PEAK1: variants seen among roughly 807,000 people sequenced by gnomAD.
The protein encoded by PEAK1 is inactive tyrosine-protein kinase PEAK1.
A neutral mutation model predicts 124.7 loss-of-function variants in PEAK1; 54 were observed. The ratio of observed to expected loss-of-function variants is 0.43; its 90% CI spans 0.35 to 0.54. The LOEUF is 0.54. Among genes scored for constraint, PEAK1 ranks in the 20% least tolerant of loss-of-function variants. The probability of loss-of-function intolerance (pLI) is 0.01; values close to 1 mark genes in which losing one functional copy is unlikely to be tolerated. For missense variants in PEAK1, 2,046 were observed against 2,134.5 expected, an observed-to-expected ratio of 0.96 and a Z score of 0.82; for synonymous variants, 719 against 760.0, an observed-to-expected ratio of 0.95 and a Z score of 0.89.
chr15:77,344,176 G>A (rs954683918), intron 2 of PEAK1, among the ~76,000 whole-genome samples: 3 of 152,080 alleles, frequency 2.0e-5, no homozygotes, highest in Non-Finnish European at 2.9e-5. Flanking sequence ...CTCACTGCAA[G>A]CTCCGCCTCC....
In PEAK1 at chr15:77,133,582, G is replaced by A; in HGVS notation, c.3500C>T (p.Pro1167Leu). Residue 1167 changes from proline to leucine, a missense_variant, in exon 9 of 10, where the codon CCA becomes CTA. Coordinates refer to ENST00000682557, the MANE Select transcript of PEAK1 (RefSeq NM_001385026.1). This position sits in a 1 kb window ranked among gnomAD's most constrained non-coding sequence, Gnocchi z 4.2. ...KKMIIRANTE[P>L]ISKDLQKSME... ...GGATTTTTGGAGGTCCTTGGAGATT[G>A]GCTCTGTATTGGCTCTTATGATCAT... 6.2e-7 allele frequency: 1 copy of A among 1,614,138 alleles called. No individual in the cohort carries two copies. Among genetic ancestry groups the A allele is most frequent in the Non-Finnish European group, 8.5e-7 (1 of 1,180,006 alleles).
rs768416797 is a variant in PEAK1 at position 77,179,123 on chromosome 15, C to T, written c.2804G>A (p.Arg935Gln). Reference sequence around the variant, plus strand: ...TTTGTCATCCTCCTCATCTGTTTTCCGACGGCGGAAGAAGCTTTTAAATGA... The same window carrying T: ...TTTGTCATCCTCCTCATCTGTTTTCTGACGGCGGAAGAAGCTTTTAAATGA... ...WISFKSFFRR[R>Q]KTDEEDDKEK... The change falls in exon 7 of 10, where the codon CGG (arginine) becomes CAG (glutamine). Residue 935 changes from arginine to glutamine, a missense_variant. Arg to Gln is a conservative substitution (Grantham distance 43). Transcript: ENST00000682557. The T allele has an allele frequency of 5.6e-6, 9 of 1,613,974 alleles. No individual in the cohort carries two copies. The highest frequency in any genetic ancestry group is 7.6e-6 in the Non-Finnish European group (9 of 1,180,036).
chr15:77,218,588 A>T (rs2059249624), intron 6 of PEAK1, among the ~76,000 whole-genome samples: 1 of 150,906 alleles, frequency 6.6e-6, no homozygotes, highest in Non-Finnish European at 1.5e-5. Flanking sequence ...TTTTTTTTTA[A>T]AGAGATGGGG....
intron 6 of PEAK1, among the ~76,000 whole-genome samples, chr15:77,198,167 C>T (rs2058198320): frequency 6.6e-6 from 1 of 152,124 alleles, no homozygotes; most frequent in Non-Finnish European, 1.5e-5. Context: ...AATTTTGTAG[C>T]CACCTTCTGT....
chr15:77,118,621 A>C (rs908425075), intron 9 of PEAK1, among the ~76,000 whole-genome samples: 7 of 152,188 alleles, frequency 4.6e-5, no homozygotes, highest in Admixed American at 1.3e-4. Flanking sequence ...TCTTGAAAAG[A>C]ATTCACATTC....
chr15:77,142,902 T>C (rs2053897573), intron 8 of PEAK1, among the ~76,000 whole-genome samples: 1 of 152,148 alleles, frequency 6.6e-6, no homozygotes, highest in African/African-American at 2.4e-5. Context: ...AATTAGACAT[T>C]AGTGATGCTT....
In PEAK1 at chr15:77,113,909, G is replaced by T; in HGVS notation, c.*247C>A. ...CTGCATTTATGGGACTATTAGGATA[G>T]AAGGTGTTTCAAGGGAAGGCAACTG... On this transcript the variant is annotated 3_prime_UTR_variant, in exon 10 of 10. Coordinates refer to ENST00000682557, the MANE Select transcript of PEAK1 (RefSeq NM_001385026.1). The T allele has an allele frequency of 5.7e-6, 3 of 525,934 alleles. No homozygotes were observed. Among genetic ancestry groups the T allele is most frequent in the Non-Finnish European group, 1.0e-5 (3 of 295,836 alleles). The allele number at this position is 525,934 out of a possible 1,614,324, so 32.6% of individuals were successfully genotyped here. A position where few individuals can be genotyped will look rare whatever the true frequency, so the allele number is the denominator to read the frequency against.
chr15:77,151,427 T>C (rs1027128615), intron 8 of PEAK1, among the ~76,000 whole-genome samples: 35 of 152,236 alleles, frequency 2.3e-4, no homozygotes, highest in African/African-American at 7.5e-4. Flanking sequence ...GTCAGATGAA[T>C]AGATTGCAAA....
intron 2 of PEAK1, chr15:77,349,672 C>G: frequency 1.0e-6 from 1 of 984,702 alleles, no homozygotes; most frequent in Non-Finnish European, 1.2e-6. Context: ...CTTAATCAAT[C>G]CTTTACATTG....
At chr15:77,101,053 G>T (rs182972127) in exon 7 of PEAK1, 16 of 152,500 alleles carry the variant, frequency 1.0e-4, no homozygotes, top group Admixed American at 9.8e-4. Context: ...CCGGCCCAGA[G>T]CTAGAGGGGC....
rs1282910358 is a variant in PEAK1 at position 77,258,407 on chromosome 15, C to T, written c.-274-5881G>A. Among the ~76,000 whole-genome samples the T allele has an allele frequency of 3.3e-5, 5 of 152,212 alleles. No individual in the cohort carries two copies. In the East Asian group the frequency reaches 9.7e-4, roughly 29 times the overall value. ...TGGTATCCTCTTTTATTTCATTGAGCAGTGGTTTGTAGTTCTCCTTGAAGA... is the reference window on the plus strand; with the variant it reads ...TGGTATCCTCTTTTATTTCATTGAGTAGTGGTTTGTAGTTCTCCTTGAAGA... On this transcript the variant is annotated intron_variant, in intron 5 of 9. Coordinates refer to ENST00000682557, the MANE Select transcript of PEAK1 (RefSeq NM_001385026.1).
chr15:77,246,031 A>G (rs1282906079), intron 6 of PEAK1, among the ~76,000 whole-genome samples: 1 of 149,932 alleles, frequency 6.7e-6, no homozygotes, highest in Non-Finnish European at 1.5e-5. Context: ...TTTTTTTGAG[A>G]AAGAGTCTCA....
At chr15:77,418,643 G>A (rs764247064) in intron 1 of PEAK1, 16 of 985,200 alleles carry the variant, frequency 1.6e-5, no homozygotes, top group Non-Finnish European at 1.9e-5. Context: ...AATTAGGGTC[G>A]TCAGTGAATT....
At chr15:77,234,602 C>T (rs1164075317) in intron 6 of PEAK1, among the ~76,000 whole-genome samples, 1 of 152,002 alleles carries the variant, frequency 6.6e-6, no homozygotes, top group South Asian at 2.1e-4. Flanking sequence ...ACACATCTCT[C>T]TAAGTATACA....
chr15:77,175,412 A>G, intron 7 of PEAK1, among the ~76,000 whole-genome samples: 1 of 151,666 alleles, frequency 6.6e-6, no homozygotes, highest in African/African-American at 2.4e-5. Context: ...ACAAGAAAAA[A>G]ACAAACAACC....
intron 2 of PEAK1, chr15:77,345,927 T>A: frequency 1.0e-6 from 1 of 985,018 alleles, no homozygotes; most frequent in Non-Finnish European, 1.2e-6. Flanking sequence ...TACACATACA[T>A]ATTAATTATA....
intron 2 of PEAK1, among the ~76,000 whole-genome samples, chr15:77,291,280 C>T (rs1221904575): frequency 6.6e-6 from 1 of 152,202 alleles, no homozygotes; most frequent in Non-Finnish European, 1.5e-5. Context: ...TATGAACCAA[C>T]ATTTGTGAAT....
chr15:77,341,370 C>T (rs1416414295), intron 2 of PEAK1, among the ~76,000 whole-genome samples: 2 of 151,994 alleles, frequency 1.3e-5, no homozygotes, highest in Non-Finnish European at 2.9e-5. Context: ...CATAGTGGCA[C>T]GTGACTGTAA....
At chr15:77,376,999 T>G (rs2069078188) in intron 1 of PEAK1, among the ~76,000 whole-genome samples, 1 of 152,194 alleles carries the variant, frequency 6.6e-6, no homozygotes, top group African/African-American at 2.4e-5. Context: ...AGAGGCTATT[T>G]AAGAGAGCCT....
Sources: gnomAD v4.1 joint callset for allele counts (sites outside exome capture counted in the v4.1 genomes callset) on GRCh38, gnomAD v4.1.1 for gene constraint, Gnocchi (gnomAD v3.1) non-coding constraint, MANE v1.5 for transcripts, NCBI Gene and HGNC (gene_info 2026-07-23, HGNC 2026-07-21) for gene names.